The following WDR7 variants were observed in gnomAD, a reference collection of about 807,000 sequenced individuals.
WDR7 encodes WD repeat-containing protein 7.
In WDR7, 46 loss-of-function variants were observed where a neutral mutation model predicts 169.4. That is an observed-to-expected ratio of 0.27 (90% confidence interval 0.21 to 0.35). The LOEUF is 0.35. Ranked by LOEUF, WDR7 falls within the 10% of genes least tolerant of loss-of-function variation. The pLI is 1.00. For missense variants in WDR7, 1,534 were observed against 1,859.3 expected, an observed-to-expected ratio of 0.83 and a Z score of 3.22; for synonymous variants, 612 against 666.8, an observed-to-expected ratio of 0.92 and a Z score of 1.27.
At chr18:56,786,398 G>A (rs572760622) in intron 19 of WDR7, among the ~76,000 whole-genome samples, 5 of 151,912 alleles carry the variant, frequency 3.3e-5, no homozygotes, top group Admixed American at 1.3e-4. Context: ...GCATGGCTGC[G>A]TGCACCTGTA....
At chr18:56,754,245 CTTTGTGTGTG>C (rs2043839776) in intron 14 of WDR7, among the ~76,000 whole-genome samples, 1 of 73,008 alleles carries the variant, frequency 1.4e-5, no homozygotes, top group Admixed American at 1.4e-4. Context: ...ATGTTTTGTG[CTTTGTGTGTG>C]TGTGTGTGTG....
intron 20 of WDR7, among the ~76,000 whole-genome samples, chr18:56,875,602 C>A (rs1026720524): frequency 2.1e-4 from 32 of 152,260 alleles, no homozygotes; most frequent in African/African-American, 7.2e-4. Context: ...TATAGAGTTC[C>A]AGCCAACTTA....
chr18:56,713,168 A>G (rs1377868853), intron 12 of WDR7, among the ~76,000 whole-genome samples: 1 of 152,192 alleles, frequency 6.6e-6, no homozygotes. Context: ...TTTAATGATC[A>G]TTTGATCAGT....
At chr18:56,998,932 G>A (rs149334217) in intron 26 of WDR7, among the ~76,000 whole-genome samples, 13 of 152,278 alleles carry the variant, frequency 8.5e-5, no homozygotes, top group African/African-American at 2.6e-4. Flanking sequence ...ATGGTACATC[G>A]TAGCGCTTAA....
chr18:56,978,142 A>G (rs1185865913), intron 26 of WDR7, among the ~76,000 whole-genome samples: 1 of 152,208 alleles, frequency 6.6e-6, no homozygotes, highest in East Asian at 1.9e-4. Flanking sequence ...AGGCATGTGG[A>G]CTGTCCTTCA....
intron 21 of WDR7, among the ~76,000 whole-genome samples, chr18:56,888,998 C>T (rs1250463934): frequency 6.6e-6 from 1 of 152,126 alleles, no homozygotes; most frequent in Non-Finnish European, 1.5e-5. Flanking sequence ...GATCAGGGCT[C>T]AACTTTAATA....
chr18:56,730,272 G>A (rs1206655345), intron 13 of WDR7, among the ~76,000 whole-genome samples: 1 of 152,100 alleles, frequency 6.6e-6, no homozygotes, highest in Non-Finnish European at 1.5e-5. Context: ...TCTGGTGTTC[G>A]TGTTATGGAG....
At chr18:57,000,966 C>G (rs1409765522) in intron 26 of WDR7, among the ~76,000 whole-genome samples, 1 of 147,744 alleles carries the variant, frequency 6.8e-6, no homozygotes, top group Admixed American at 6.9e-5. Context: ...AGGAGGCCAA[C>G]ATGGGAGGAT....
intron 20 of WDR7, among the ~76,000 whole-genome samples, chr18:56,843,952 T>C (rs1458389377): frequency 6.6e-6 from 1 of 151,212 alleles, no homozygotes; most frequent in African/African-American, 2.4e-5. Flanking sequence ...AACGTCTGCC[T>C]CCCAGGTTCA....
At chr18:56,684,629 T>C (rs1320761040) in intron 5 of WDR7, among the ~76,000 whole-genome samples, 12 of 151,934 alleles carry the variant, frequency 7.9e-5, no homozygotes, top group Non-Finnish European at 1.6e-4. Flanking sequence ...CAGCTGAGAG[T>C]GGTGCAGGCC....
chr18:56,820,339 C>CAAAAAAAAAAAAAAAAAAAAAAAAAAA (rs386387798), intron 20 of WDR7, among the ~76,000 whole-genome samples: 2 of 42,474 alleles, frequency 4.7e-5, no homozygotes, highest in Non-Finnish European at 7.6e-5. Context: ...CTGACATTGT[C>CAAAAAAAAAAAAAAAAAAAAAAAAAAA]AAAAAAAAAA....
intron 26 of WDR7, among the ~76,000 whole-genome samples, chr18:57,005,248 G>T (rs959149342): frequency 6.6e-6 from 1 of 151,906 alleles, no homozygotes; most frequent in Non-Finnish European, 1.5e-5. Flanking sequence ...GCAACTAAAT[G>T]TATGTTAAAT....
At position 56,718,175 on chromosome 18, in the gene WDR7, A is replaced by T. The variant is rs778762728; in HGVS notation, c.1774+16A>T. 1 of 1,524,654 alleles carries T rather than the reference A, an allele frequency of 6.6e-7. No individual in the cohort carries two copies. The highest frequency in any genetic ancestry group is 8.8e-7 in the Non-Finnish European group (1 of 1,135,224). The allele number at this position is 1,524,654 out of a possible 1,614,324, so 94.4% of individuals were successfully genotyped here. A position where few individuals can be genotyped will look rare whatever the true frequency, so the allele number is the denominator to read the frequency against. On this transcript the variant is annotated intron_variant, in intron 13 of 27. Coordinates refer to ENST00000254442, the MANE Select transcript of WDR7 (RefSeq NM_015285.3). ...ATGGATACTGGTAAGAACAAGTATG[A>T]AGAGATACTATAGAAAATTAAATGG...
chr18:56,694,858 G>T (rs2025662702), intron 10 of WDR7, 92 bp from the exon 11 acceptor site: 1 of 1,533,518 alleles, frequency 6.5e-7, no homozygotes, highest in Non-Finnish European at 8.8e-7. Context: ...CATTTTCTTT[G>T]ATTACTGGAT....
chr18:56,962,981 A>G (rs1040930638), intron 26 of WDR7, among the ~76,000 whole-genome samples: 3 of 152,312 alleles, frequency 2.0e-5, no homozygotes, highest in Admixed American at 6.5e-5. Context: ...AGCATTTATT[A>G]TAGTTCTGTG....
chr18:56,841,286 A>T (rs1282938207), intron 20 of WDR7, among the ~76,000 whole-genome samples: 1 of 152,090 alleles, frequency 6.6e-6, no homozygotes, highest in Non-Finnish European at 1.5e-5. Context: ...CCACACCTGT[A>T]ATCCCAGCAT....
intron 22 of WDR7, among the ~76,000 whole-genome samples, chr18:56,927,405 G>GAGACCA (rs1397150758): frequency 6.6e-6 from 1 of 151,988 alleles, no homozygotes; most frequent in Non-Finnish European, 1.5e-5. Flanking sequence ...CCAGGAATTT[G>GAGACCA]AGACCAGCCT....
chr18:57,018,591 A>C (rs924671852), intron 26 of WDR7, among the ~76,000 whole-genome samples: 6 of 152,190 alleles, frequency 3.9e-5, no homozygotes, highest in African/African-American at 1.4e-4. Flanking sequence ...GAGAGGCTGG[A>C]AATCTTGTTT....
At chr18:57,005,963 T>C (rs923523902) in intron 26 of WDR7, among the ~76,000 whole-genome samples, 2 of 152,242 alleles carry the variant, frequency 1.3e-5, no homozygotes, top group Non-Finnish European at 2.9e-5. Flanking sequence ...AAATTATTTT[T>C]GCTAATGCAA....
Sources: gnomAD v4.1 joint callset for allele counts (sites outside exome capture counted in the v4.1 genomes callset) on GRCh38, gnomAD v4.1.1 for gene constraint, MANE v1.5 for transcripts, NCBI Gene and HGNC (gene_info 2026-07-23, HGNC 2026-07-21) for gene names.